Variants in ELAPOR2 observed in about 807,000 individuals in gnomAD.
The protein encoded by ELAPOR2 is endosome/lysosome-associated apoptosis and autophagy regulator family member 2.
In ELAPOR2, 89 loss-of-function variants were observed where a neutral mutation model predicts 120.7. That is an observed-to-expected ratio of 0.74 (90% confidence interval 0.62 to 0.88). ELAPOR2 has a LOEUF of 0.88. Ranked by LOEUF, ELAPOR2 falls within the 40% of genes least tolerant of loss-of-function variation. The pLI is 0.00. For missense variants in ELAPOR2, 1,134 were observed against 1,251.6 expected (o/e 0.91, Z 1.42); for synonymous variants, 444 against 444.9 (o/e 1.00, Z 0.03).
intron 1 of ELAPOR2, among the ~76,000 whole-genome samples, chr7:87,039,554 C>T (rs1327058204): frequency 6.6e-6 from 1 of 152,124 alleles, no homozygotes; most frequent in Non-Finnish European, 1.5e-5. Flanking sequence ...AAGGATCATT[C>T]ATCATGACCA....
rs544212404 is a variant in ELAPOR2, at chr7:86,990,347, C to T, written c.190-25323G>A. On this transcript the variant is annotated intron_variant, in intron 1 of 21. Coordinates refer to ENST00000450689, the MANE Select transcript of ELAPOR2 (RefSeq NM_001142749.3). ...ACAGGCATGAGCCAGGCGGGTTCTG[C>T]GCTTATGAATGGATTAATGGGTTAT... Among the ~76,000 whole-genome samples, 39 of 127,748 alleles carry T rather than the reference C, an allele frequency of 3.1e-4. No individual in the cohort carries two copies. In the South Asian group the frequency reaches 3.8e-3, roughly 12 times the overall value. 83.8% of individuals were successfully genotyped at this position (127,748 alleles called of 152,430 possible).
intron 1 of ELAPOR2, among the ~76,000 whole-genome samples, chr7:87,040,219 T>G (rs1255970198): frequency 6.6e-6 from 1 of 152,102 alleles, no homozygotes; most frequent in Non-Finnish European, 1.5e-5. Flanking sequence ...TGCCCAGGCT[T>G]GCTTAGGTAA....
intron 17 of ELAPOR2, 59 bp downstream of exon 17, chr7:86,908,388 C>CAT (rs1202733503): frequency 2.3e-6 from 2 of 851,744 alleles, no homozygotes; most frequent in East Asian, 2.5e-5. Flanking sequence ...ATTGGTGTTC[C>CAT]ATATATATAA....
chr7:86,927,798 A>G (rs1415877316), intron 8 of ELAPOR2, among the ~76,000 whole-genome samples: 2 of 152,024 alleles, frequency 1.3e-5, no homozygotes, highest in Non-Finnish European at 2.9e-5. Flanking sequence ...TAAATCAACT[A>G]TTTAATAACT....
chr7:87,042,967 T>A (rs1312767291), intron 1 of ELAPOR2, among the ~76,000 whole-genome samples: 4 of 151,974 alleles, frequency 2.6e-5, no homozygotes, highest in Non-Finnish European at 2.9e-5. Flanking sequence ...CTACCATCAG[T>A]GAATACTACA....
chr7:86,938,458 C>T (rs1052862994), intron 7 of ELAPOR2, among the ~76,000 whole-genome samples: 1 of 152,016 alleles, frequency 6.6e-6, no homozygotes, highest in Non-Finnish European at 1.5e-5. Context: ...TATTAGATTT[C>T]TTCCATCATC....
chr7:87,040,989 G>A (rs1489545698), intron 1 of ELAPOR2, among the ~76,000 whole-genome samples: 8 of 152,090 alleles, frequency 5.3e-5, no homozygotes, highest in Non-Finnish European at 8.8e-5. Context: ...GAGCCGATGC[G>A]ATCAACTGGA....
At chr7:86,912,665 C>T (rs1789370020) in intron 14 of ELAPOR2, among the ~76,000 whole-genome samples, 1 of 152,100 alleles carries the variant, frequency 6.6e-6, no homozygotes, top group South Asian at 2.1e-4. Flanking sequence ...ATTTGCTGTA[C>T]CTAAACAATA....
At chr7:86,946,433 C>T (rs925820971) in intron 3 of ELAPOR2, among the ~76,000 whole-genome samples, 10 of 152,190 alleles carry the variant, frequency 6.6e-5, no homozygotes, top group African/African-American at 2.2e-4. Flanking sequence ...GTTGCCCAGA[C>T]TGGAGTGCAA....
intron 1 of ELAPOR2, among the ~76,000 whole-genome samples, chr7:86,998,180 C>T (rs1446299144): frequency 6.6e-6 from 1 of 152,098 alleles, no homozygotes; most frequent in Non-Finnish European, 1.5e-5. Context: ...CAGATGAATA[C>T]AGAAAGTTCT....
intron 1 of ELAPOR2, among the ~76,000 whole-genome samples, chr7:87,058,884 G>A (rs1218562186): frequency 6.6e-6 from 1 of 152,126 alleles, no homozygotes; most frequent in African/African-American, 2.4e-5. Context: ...CGTTTGCAGA[G>A]ACAGGGGAGT....
At chr7:86,880,599 C>A (rs74376718) in intron 21 of ELAPOR2, 69 bp from the exon 22 acceptor site, 10 of 975,660 alleles carry the variant, frequency 1.0e-5, no homozygotes, top group African/African-American at 3.3e-5. Flanking sequence ...TCTTACATGT[C>A]CAGAAGGAAA....
intron 1 of ELAPOR2, among the ~76,000 whole-genome samples, chr7:87,040,076 G>C (rs188424647): frequency 6.6e-6 from 1 of 152,328 alleles, no homozygotes; most frequent in East Asian, 1.9e-4. Flanking sequence ...CTTAAAACAC[G>C]GCGCACCACA....
At chr7:86,941,450 G>T (rs187392031) in intron 5 of ELAPOR2, 153 of 505,742 alleles carry the variant, frequency 3.0e-4, no homozygotes, top group Non-Finnish European at 4.7e-4. Flanking sequence ...TAACCAATGT[G>T]TGGCAAATAG....
intron 1 of ELAPOR2, among the ~76,000 whole-genome samples, chr7:87,020,993 CAT>C (rs1794021457): frequency 6.6e-6 from 1 of 151,964 alleles, no homozygotes; most frequent in African/African-American, 2.4e-5. Flanking sequence ...CTAAAGAGTT[CAT>C]ATGTATTAAA....
chr7:86,914,690 T>C (rs370728587), intron 13 of ELAPOR2, 33 bp downstream of exon 13: 48 of 1,580,280 alleles, frequency 3.0e-5, no homozygotes, highest in Admixed American at 5.6e-5. Flanking sequence ...ATTAGTGTGT[T>C]TAAAATTTTA....
At chr7:86,911,626 TCAA>T (rs1562915814) in intron 15 of ELAPOR2, 1 of 456,806 alleles carries the variant, frequency 2.2e-6, no homozygotes, top group Non-Finnish European at 4.4e-6. Flanking sequence ...GCCTACCTTA[TCAA>T]CTGATATTTG....
chr7:87,009,470 C>T (rs1250945599), intron 1 of ELAPOR2, among the ~76,000 whole-genome samples: 1 of 152,120 alleles, frequency 6.6e-6, no homozygotes, highest in Admixed American at 6.6e-5. Context: ...AGAGAAAATA[C>T]TTGAAAAACA....
At chr7:86,912,290 T>A in intron 14 of ELAPOR2, 45 bp from the exon 15 acceptor site, 2 of 1,286,254 alleles carry the variant, frequency 1.6e-6, no homozygotes, top group Non-Finnish European at 2.2e-6. Context: ...AAGAAAATAT[T>A]AGCTGCTACT....
Sources: allele counts gnomAD v4.1 joint callset (sites outside exome capture counted in the v4.1 genomes callset), GRCh38; gene constraint gnomAD v4.1.1; transcripts MANE v1.5; gene names NCBI Gene and HGNC (gene_info 2026-07-23, HGNC 2026-07-21).